Variants in PHACTR3 observed in about 807,000 individuals in gnomAD.
PHACTR3 encodes the protein protein phosphatase 1, regulatory subunit 123.
In PHACTR3, 16 loss-of-function variants were observed where a neutral mutation model predicts 66.8. The ratio of observed to expected loss-of-function variants is 0.24; its 90% CI spans 0.16 to 0.36. The LOEUF is 0.36. Among genes scored for constraint, PHACTR3 ranks in the 10% least tolerant of loss-of-function variants. PHACTR3 has a pLI of 1.00. For synonymous variants in PHACTR3, 323 were observed against 292.1 expected (o/e 1.11, Z -1.08); for missense variants, 647 against 719.9 (o/e 0.90, Z 1.16).
rs1555881160 is a variant in PHACTR3, at chr20:59,635,149, T to TTCTTTCTCTTTCTTTCTTTCC, written c.118+30018_118+30019insCTTTCTCTTTCTTTCTTTCCT. On this transcript the variant is annotated intron_variant, in intron 1 of 12. Transcript: ENST00000371015. ...TTTCTTTCTTTCTTTCTTTCTTTCT[T>TTCTTTCTCTTTCTTTCTTTCC]TTTCTTTCTTTCTTTCTTTCCTTTC... is the stretch of plus-strand genomic sequence containing the variant. Among the ~76,000 whole-genome samples the TTCTTTCTCTTTCTTTCTTTCC allele has an allele frequency of 1.1e-3, 66 of 60,408 alleles. 1 individual carries two copies. The highest frequency in any genetic ancestry group is 3.0e-3 in the African/African-American group (45 of 15,228). The allele number at this position is 60,408 out of a possible 152,430, so 39.6% of individuals were successfully genotyped here. A position where few individuals can be genotyped will look rare whatever the true frequency, so the allele number is the denominator to read the frequency against.
intron 1 of PHACTR3, among the ~76,000 whole-genome samples, chr20:59,631,612 G>A (rs1431197739): frequency 6.6e-6 from 1 of 152,096 alleles, no homozygotes; most frequent in African/African-American, 2.4e-5. Flanking sequence ...AGAAAAACCC[G>A]AACATCCTTG....
chr20:59,646,507 G>A lies in PHACTR3; in HGVS notation c.118+41375G>A, dbSNP rs936591526. On this transcript the variant is annotated intron_variant, in intron 1 of 12. Coordinates refer to ENST00000371015, the MANE Select transcript of PHACTR3 (RefSeq NM_080672.5). ...CCATGTGATCTACTGAAATATAGGAGTTACACTGAACGAAGTGAAAATGAA... is the reference window on the plus strand; with the variant it reads ...CCATGTGATCTACTGAAATATAGGAATTACACTGAACGAAGTGAAAATGAA... Among the ~76,000 whole-genome samples, 8 of 152,210 alleles carry A rather than the reference G, an allele frequency of 5.3e-5. No individual in the cohort carries two copies. The East Asian group carries it at 1.4e-3, about 26-fold the overall frequency.
intron 8 of PHACTR3, among the ~76,000 whole-genome samples, chr20:59,821,974 T>TCCCACCCCTTCCCCA (rs1568855940): frequency 3.4e-5 from 2 of 58,724 alleles, no homozygotes; most frequent in African/African-American, 2.1e-4. Context: ...CTACCCTTTC[T>TCCCACCCCTTCCCCA]GCAGCGATCC....
At chr20:59,775,544 C>T (rs1010139083) in intron 7 of PHACTR3, among the ~76,000 whole-genome samples, 3 of 152,022 alleles carry the variant, frequency 2.0e-5, no homozygotes, top group Admixed American at 6.5e-5. Flanking sequence ...CCACCGGGTC[C>T]GAGGAAGCAA....
At chr20:59,663,294 A>G (rs1436430964) in intron 1 of PHACTR3, among the ~76,000 whole-genome samples, 1 of 152,164 alleles carries the variant, frequency 6.6e-6, no homozygotes. Flanking sequence ...CAGGGGAACT[A>G]TTCAACCTGC....
At position 59,836,598 on chromosome 20, in the gene PHACTR3, C is replaced by T. The variant is rs759115382; in HGVS notation, c.1384+38C>T. 1.3e-5 allele frequency: 21 copies of T among 1,596,158 alleles called. No homozygotes were observed. The South Asian group carries it at 1.9e-4, about 15-fold the overall frequency. ...TGATTCCTCTAGAGGTTTTCCTTCA[C>T]GTGTGGTGAGGCTGTTGCACAAATC... On this transcript the variant is annotated intron_variant, in intron 9 of 12. Coordinates refer to ENST00000371015, the MANE Select transcript of PHACTR3 (RefSeq NM_080672.5).
chr20:59,593,574 A>G (rs1440813001), intron 1 of PHACTR3, among the ~76,000 whole-genome samples: 2 of 151,838 alleles, frequency 1.3e-5, no homozygotes, highest in African/African-American at 2.4e-5. Flanking sequence ...TCCTCACAAA[A>G]CCTAAGGTTT....
At chr20:59,754,400 G>A (rs578111434) in intron 3 of PHACTR3, among the ~76,000 whole-genome samples, 7 of 152,352 alleles carry the variant, frequency 4.6e-5, no homozygotes, top group Middle Eastern at 6.8e-3. Context: ...ATCCATGGGT[G>A]TGCCCCGTTC....
intron 1 of PHACTR3, among the ~76,000 whole-genome samples, chr20:59,683,331 CTG>C (rs1366710951): frequency 6.6e-6 from 1 of 152,228 alleles, no homozygotes; most frequent in African/African-American, 2.4e-5. Flanking sequence ...CTGCACAACT[CTG>C]TGCTTGGGAG....
intron 1 of PHACTR3, among the ~76,000 whole-genome samples, chr20:59,595,775 T>C (rs2033312044): frequency 6.6e-6 from 1 of 152,242 alleles, no homozygotes; most frequent in Non-Finnish European, 1.5e-5. Context: ...TGTCATTAGG[T>C]GTGTACGCGT....
chr20:59,837,747 T>A (rs1439470653), intron 9 of PHACTR3, among the ~76,000 whole-genome samples: 1 of 152,214 alleles, frequency 6.6e-6, no homozygotes, highest in East Asian at 1.9e-4. Context: ...TTGCAGATGC[T>A]ACTAAAAGTA....
At chr20:59,769,351 C>T (rs531063795) in intron 5 of PHACTR3, among the ~76,000 whole-genome samples, 6 of 152,192 alleles carry the variant, frequency 3.9e-5, no homozygotes, top group African/African-American at 7.2e-5. Flanking sequence ...ATGCTGGATT[C>T]GGTTAGGCCC....
At chr20:59,592,851 A>G (rs2033223577) in intron 1 of PHACTR3, among the ~76,000 whole-genome samples, 1 of 152,168 alleles carries the variant, frequency 6.6e-6, no homozygotes. Flanking sequence ...GTACTGAATA[A>G]TATTCCAATG....
intron 5 of PHACTR3, 29 bp downstream of exon 5, chr20:59,767,424 A>C (rs2040216212): frequency 6.2e-7 from 1 of 1,600,036 alleles, no homozygotes; most frequent in Non-Finnish European, 8.5e-7. Context: ...TGCCCATTCT[A>C]TTTCCTTTCT....
At chr20:59,817,367 GC>G (rs2041916817) in intron 8 of PHACTR3, among the ~76,000 whole-genome samples, 2 of 152,190 alleles carry the variant, frequency 1.3e-5, no homozygotes, top group African/African-American at 4.8e-5. Flanking sequence ...AGGTCCTTAG[GC>G]CCTCAGGTGA....
intron 7 of PHACTR3, among the ~76,000 whole-genome samples, chr20:59,782,323 C>T (rs1404035128): frequency 6.6e-6 from 1 of 152,158 alleles, no homozygotes; most frequent in East Asian, 1.9e-4. Context: ...ACGATCTTGG[C>T]TCACTGCAAC....
chr20:59,824,178 G>A (rs914779069), intron 8 of PHACTR3, among the ~76,000 whole-genome samples: 4 of 152,150 alleles, frequency 2.6e-5, no homozygotes, highest in Non-Finnish European at 4.4e-5. Flanking sequence ...ACCAGACGCC[G>A]TCACAGCAGC....
At chr20:59,798,474 G>A (rs1347319060) in intron 7 of PHACTR3, among the ~76,000 whole-genome samples, 1 of 152,194 alleles carries the variant, frequency 6.6e-6, no homozygotes, top group Non-Finnish European at 1.5e-5. Flanking sequence ...ATCAGTGCAT[G>A]TGTCTGAGAC....
chr20:59,738,041 G>A lies in PHACTR3; in HGVS notation c.119-5066G>A, dbSNP rs1447279432. On this transcript the variant is annotated intron_variant, in intron 1 of 12. Transcript: ENST00000371015. This position sits in a 1 kb window ranked among gnomAD's most constrained non-coding sequence, Gnocchi z 4.4. ...TTAAAATAGTGCAGGTAGTGACGGTGGTCCTGGCAGTGATGGTGGTAGGGA... is the reference window on the plus strand; with the variant it reads ...TTAAAATAGTGCAGGTAGTGACGGTAGTCCTGGCAGTGATGGTGGTAGGGA... Among the ~76,000 whole-genome samples the A allele has an allele frequency of 6.6e-6, 1 of 152,110 alleles. No individual in the cohort carries two copies. The highest frequency in any genetic ancestry group is 1.5e-5 in the Non-Finnish European group (1 of 68,020).
Sources: allele counts gnomAD v4.1 joint callset (sites outside exome capture counted in the v4.1 genomes callset), GRCh38; gene constraint gnomAD v4.1.1; non-coding constraint Gnocchi (gnomAD v3.1); transcripts MANE v1.5; gene names NCBI Gene and HGNC (gene_info 2026-07-23, HGNC 2026-07-21).